The following HIVEP3 variants were observed in gnomAD, a reference collection of about 807,000 sequenced individuals.
The protein encoded by HIVEP3 is HIVEP zinc finger 3, also known as transcription factor HIVEP3.
Under a neutral mutation model 152.8 loss-of-function variants are expected in HIVEP3, and 49 were observed. The observed-to-expected ratio is 0.32, with a 90% CI of 0.26 to 0.41. HIVEP3 has a LOEUF of 0.41. Among genes scored for constraint, HIVEP3 ranks in the 10% least tolerant of loss-of-function variants. HIVEP3 has a pLI of 1.00. For synonymous variants in HIVEP3, 1,269 were observed against 1,289.0 expected, an observed-to-expected ratio of 0.98 and a Z score of 0.33; for missense variants, 2,790 against 3,103.3, an observed-to-expected ratio of 0.90 and a Z score of 2.40.
Position 41,572,882 on chromosome 1 carries a change from T to C in HIVEP3, c.5207+2662A>G, listed in dbSNP as rs112936007. 7.2e-5 allele frequency among the ~76,000 whole-genome samples: 11 copies of C among 152,364 alleles called. 1 individual carries two copies. The highest frequency in any genetic ancestry group is 2.6e-4 in the African/African-American group (11 of 41,578). On this transcript the variant is annotated intron_variant, in intron 5 of 8. Transcript: ENST00000372583. ...AAGTTACAGATGTATGTTAAACCAATTTGAATAGTCATGAGCACTATATCT... is the reference window on the plus strand; with the variant it reads ...AAGTTACAGATGTATGTTAAACCAACTTGAATAGTCATGAGCACTATATCT...
At chr1:41,702,257 A>G (rs1646373855) in intron 1 of HIVEP3, among the ~76,000 whole-genome samples, 1 of 152,060 alleles carries the variant, frequency 6.6e-6, no homozygotes, top group Admixed American at 6.5e-5. Context: ...CACCACCACC[A>G]TCTTGCTTCC....
At chr1:41,544,754 C>CTCTACCACCACTGCT (rs1643643125) in intron 5 of HIVEP3, among the ~76,000 whole-genome samples, 3 of 141,644 alleles carry the variant, frequency 2.1e-5, no homozygotes, top group African/African-American at 8.8e-5. Flanking sequence ...CCACTACCAC[C>CTCTACCACCACTGCT]ACCATCACCA....
At chr1:41,705,342 C>T (rs1027330907) in intron 1 of HIVEP3, among the ~76,000 whole-genome samples, 3 of 152,216 alleles carry the variant, frequency 2.0e-5, no homozygotes, top group African/African-American at 7.2e-5. Context: ...GGGTGTTCTC[C>T]ATCCAGCAGA....
chr1:42,008,422 C>T (rs779487733), intron 1 of HIVEP3, among the ~76,000 whole-genome samples: 35 of 152,188 alleles, frequency 2.3e-4, no homozygotes, highest in Non-Finnish European at 4.3e-4. Context: ...TAGTTCTCAG[C>T]TACACAGTTT....
At chr1:41,752,447 T>G (rs1418271615) in intron 1 of HIVEP3, among the ~76,000 whole-genome samples, 3 of 152,190 alleles carry the variant, frequency 2.0e-5, no homozygotes, top group Non-Finnish European at 4.4e-5. Context: ...CGGCTCTGAC[T>G]GTGATGTGGT....
rs1249770953 is a variant in HIVEP3, at chr1:41,664,975, G to A, written c.-721+35941C>T. Among the ~76,000 whole-genome samples the A allele has an allele frequency of 6.6e-6, 1 of 152,162 alleles. No homozygotes were observed. Among genetic ancestry groups the A allele is most frequent in the African/African-American group, 2.4e-5 (1 of 41,428 alleles). ...CATTGTACCAGACACAGTCAGACTGGATGCCCCTGAGCCTTCCAAGCCATG... is the reference window on the plus strand; with the variant it reads ...CATTGTACCAGACACAGTCAGACTGAATGCCCCTGAGCCTTCCAAGCCATG... On this transcript the variant is annotated intron_variant, in intron 2 of 8. Coordinates refer to ENST00000372583, the MANE Select transcript of HIVEP3 (RefSeq NM_024503.5). The surrounding 1 kb of genome is among the most constrained non-coding windows in gnomAD (Gnocchi z 4.4).
chr1:41,690,525 G>T (rs1024290696), intron 2 of HIVEP3, among the ~76,000 whole-genome samples: 1 of 152,346 alleles, frequency 6.6e-6, no homozygotes, highest in Admixed American at 6.5e-5. Context: ...ACCTAGACCG[G>T]AAGTGCCTTG....
intron 1 of HIVEP3, among the ~76,000 whole-genome samples, chr1:41,773,420 A>G (rs1450495631): frequency 6.6e-6 from 1 of 152,202 alleles, no homozygotes; most frequent in East Asian, 1.9e-4. Flanking sequence ...CTGGTTGTGA[A>G]AGTGCTGAAA....
intron 5 of HIVEP3, among the ~76,000 whole-genome samples, chr1:41,529,417 TCACA>T (rs563002009): frequency 3.6e-5 from 3 of 83,072 alleles, no homozygotes; most frequent in Admixed American, 2.4e-4. Context: ...CCCCACACCC[TCACA>T]CACACCCTCA....
At chr1:41,971,653 G>A (rs1168334511) in intron 1 of HIVEP3, among the ~76,000 whole-genome samples, 1 of 152,164 alleles carries the variant, frequency 6.6e-6, no homozygotes. Context: ...CATATTCAAA[G>A]CATCTCAGGA....
chr1:41,874,499 G>C (rs1013867009), intron 1 of HIVEP3, among the ~76,000 whole-genome samples: 2 of 152,130 alleles, frequency 1.3e-5, no homozygotes, highest in African/African-American at 4.8e-5. Context: ...TCTAAGGTTC[G>C]AAATGTGGAC....
chr1:41,850,023 T>C (rs1365623173), intron 1 of HIVEP3, among the ~76,000 whole-genome samples: 1 of 152,212 alleles, frequency 6.6e-6, no homozygotes, highest in African/African-American at 2.4e-5. Context: ...TACTCTACTC[T>C]AGTGGTTCCT....
At chr1:41,780,038 G>T (rs1313077398) in intron 1 of HIVEP3, among the ~76,000 whole-genome samples, 1 of 152,206 alleles carries the variant, frequency 6.6e-6, no homozygotes, top group African/African-American at 2.4e-5. Flanking sequence ...ATCACGGAGA[G>T]ATTGGCCCAG....
At chr1:41,726,382 T>C (rs1042203460) in intron 1 of HIVEP3, among the ~76,000 whole-genome samples, 8 of 152,164 alleles carry the variant, frequency 5.3e-5, no homozygotes, top group African/African-American at 1.9e-4. Flanking sequence ...CAAGCAGGCA[T>C]GAAGGGGGCT....
intron 1 of HIVEP3, among the ~76,000 whole-genome samples, chr1:41,878,870 C>T (rs75622514): frequency 6.6e-6 from 1 of 150,478 alleles, no homozygotes; most frequent in African/African-American, 2.4e-5. Context: ...CCCTCCCTCC[C>T]TCCCTCCCCT....
At chr1:41,963,104 C>T (rs536480338) in intron 1 of HIVEP3, among the ~76,000 whole-genome samples, 70 of 152,276 alleles carry the variant, frequency 4.6e-4, no homozygotes, top group Middle Eastern at 6.8e-3. Flanking sequence ...CTCTGCCTCC[C>T]GGGTTCATGC....
intron 1 of HIVEP3, among the ~76,000 whole-genome samples, chr1:41,985,636 G>T (rs771358161): frequency 5.3e-5 from 8 of 152,176 alleles, no homozygotes; most frequent in Non-Finnish European, 7.3e-5. Flanking sequence ...ATACGAATTT[G>T]CAGGGACACG....
intron 5 of HIVEP3, among the ~76,000 whole-genome samples, chr1:41,538,579 C>T (rs1319500793): frequency 6.6e-6 from 1 of 152,088 alleles, no homozygotes; most frequent in Non-Finnish European, 1.5e-5. Flanking sequence ...GGGTCTAATG[C>T]CCAGCACAGC....
At chr1:41,823,228 C>T (rs1457509880) in intron 1 of HIVEP3, among the ~76,000 whole-genome samples, 1 of 152,196 alleles carries the variant, frequency 6.6e-6, no homozygotes, top group Non-Finnish European at 1.5e-5. Context: ...TTCTGGCCTG[C>T]AGAACTGTGA....
Sources: allele counts gnomAD v4.1 joint callset (sites outside exome capture counted in the v4.1 genomes callset), GRCh38; gene constraint gnomAD v4.1.1; non-coding constraint Gnocchi (gnomAD v3.1); transcripts MANE v1.5; gene names NCBI Gene and HGNC (gene_info 2026-07-23, HGNC 2026-07-21).